The following LRRC38 variants were observed in gnomAD, a reference collection of about 807,000 sequenced individuals.
The protein encoded by LRRC38 is leucine-rich repeat-containing protein 38.
In LRRC38, 5 loss-of-function variants were observed where a neutral mutation model predicts 16.4. The observed-to-expected ratio is 0.31, with a 90% CI of 0.16 to 0.64. The LOEUF (loss-of-function observed/expected upper bound fraction) is 0.64, where lower values mean the gene tolerates loss of function less well. LRRC38 is among the 30% of genes least tolerant of loss of function. LRRC38 has a pLI of 0.80. For synonymous variants in LRRC38, 191 were observed against 190.2 expected, an observed-to-expected ratio of 1.00 and a Z score of -0.04; for missense variants, 341 against 401.8, an observed-to-expected ratio of 0.85 and a Z score of 1.29.
intron 1 of LRRC38, among the ~76,000 whole-genome samples, chr1:13,493,873 C>G (rs1639048771): frequency 6.6e-6 from 1 of 152,084 alleles, no homozygotes; most frequent in Non-Finnish European, 1.5e-5. Context: ...GACCAACCTG[C>G]CCAATATGGT....
chr1:13,480,574 C>T (rs1638840404), intron 1 of LRRC38, among the ~76,000 whole-genome samples: 1 of 152,184 alleles, frequency 6.6e-6, no homozygotes, highest in Non-Finnish European at 1.5e-5. Context: ...TAATCCCCAG[C>T]TGTTAAGGTG....
At chr1:13,492,386 G>A (rs1436733211) in intron 1 of LRRC38, among the ~76,000 whole-genome samples, 1 of 152,132 alleles carries the variant, frequency 6.6e-6, no homozygotes, top group Non-Finnish European at 1.5e-5. Flanking sequence ...GCAAAAAATA[G>A]AGAAAATTTT....
intron 1 of LRRC38, among the ~76,000 whole-genome samples, chr1:13,512,678 G>A (rs1639286977): frequency 1.3e-5 from 2 of 152,150 alleles, no homozygotes; most frequent in African/African-American, 4.8e-5. Context: ...CAAAGCCCAG[G>A]GAGATGATCC....
intron 1 of LRRC38, among the ~76,000 whole-genome samples, chr1:13,506,776 C>A (rs1027428215): frequency 6.6e-6 from 1 of 152,124 alleles, no homozygotes; most frequent in African/African-American, 2.4e-5. Context: ...ATTTTTACAG[C>A]CCGCACCAGC....
chr1:13,494,285 T>C (rs1224728404), intron 1 of LRRC38, among the ~76,000 whole-genome samples: 1 of 152,174 alleles, frequency 6.6e-6, no homozygotes, highest in Non-Finnish European at 1.5e-5. Context: ...TGAGACACAT[T>C]TGTAGCTCAG....
At chr1:13,512,531 G>A (rs890144758) in intron 1 of LRRC38, among the ~76,000 whole-genome samples, 16 of 152,222 alleles carry the variant, frequency 1.1e-4, no homozygotes, top group African/African-American at 3.9e-4. Flanking sequence ...GGTTAGGCTC[G>A]GGAAGCTGCT....
intron 1 of LRRC38, among the ~76,000 whole-genome samples, chr1:13,494,705 G>A (rs1036488454): frequency 6.6e-6 from 1 of 152,202 alleles, no homozygotes; most frequent in Non-Finnish European, 1.5e-5. Flanking sequence ...ACCAGGAACT[G>A]GGGGGCTTGG....
Position 13,513,181 on chromosome 1 carries a change from T to C in LRRC38, c.413A>G (p.Asn138Ser). 6.4e-7 allele frequency: 1 copy of C among 1,550,474 alleles called. No homozygotes were observed. The highest frequency in any genetic ancestry group is 8.7e-7 in the Non-Finnish European group (1 of 1,146,962). The change falls in exon 1 of 2, where the codon AAC becomes AGC. Residue 138 changes from asparagine to serine, a missense_variant. Coordinates refer to ENST00000376085, the MANE Select transcript of LRRC38 (RefSeq NM_001010847.2). The part of the protein sequence containing the change: ...GRLVKLSLAN[N>S]NLVGVHEDAF... ...GTCCTCGTGCACGCCCACCAGGTTG[T>C]TGTTAGCCAGGCTAAGCTTCACCAG... is the stretch of plus-strand genomic sequence containing the variant.
rs1639292809 is a variant in LRRC38, at chr1:13,513,064, G to A, written c.530C>T (p.Ala177Val). Residue 177 changes from alanine (A) to valine (V), a missense_variant, in exon 1 of 2, where the codon GCG becomes GTG. Coordinates refer to ENST00000376085, the MANE Select transcript of LRRC38 (RefSeq NM_001010847.2). ...LSVAALAALP[A>V]LRSLRLDGNP... ...CCCGTCCAGACGCAGGGAGCGCAGC[G>A]CGGGCAGCGCGGCCAGGGCGGCCAC... 1 of 1,550,170 alleles carries A rather than the reference G, an allele frequency of 6.5e-7. No individual in the cohort carries two copies. The highest frequency in any genetic ancestry group is 8.7e-7 in the Non-Finnish European group (1 of 1,146,740).
At chr1:13,503,104 C>A (rs1639169657) in intron 1 of LRRC38, among the ~76,000 whole-genome samples, 2 of 152,218 alleles carry the variant, frequency 1.3e-5, no homozygotes, top group South Asian at 4.1e-4. Context: ...CTTTCATCTG[C>A]CCTGGAGGAG....
intron 1 of LRRC38, among the ~76,000 whole-genome samples, chr1:13,503,244 ATTGT>A (rs1312414415): frequency 6.6e-6 from 1 of 151,906 alleles, no homozygotes; most frequent in African/African-American, 2.4e-5. Flanking sequence ...AGCACTCTAA[ATTGT>A]TTATTTATTT....
chr1:13,492,633 T>A (rs368349482), intron 1 of LRRC38, among the ~76,000 whole-genome samples: 1 of 151,880 alleles, frequency 6.6e-6, no homozygotes, highest in Non-Finnish European at 1.5e-5. Flanking sequence ...ATCTGGGAGA[T>A]GGAGGTTACA....
Position 13,513,507 on chromosome 1 carries a change from G to T in LRRC38, c.87C>A (p.Pro29=). The part of the protein sequence containing the change: ...LLLLAPGHAC[P]AGCACTDPHT... ...GCGGGTCGGTGCAGGCGCAGCCCGC[G>T]GGGCACGCGTGCCCGGGCGCGAGCA... Residue 29 remains proline, a synonymous_variant, in exon 1 of 2, where the codon CCC becomes CCA. Coordinates refer to ENST00000376085, the MANE Select transcript of LRRC38 (RefSeq NM_001010847.2). The T allele has an allele frequency of 6.8e-7, 1 of 1,461,994 alleles. No homozygotes were observed. The highest frequency in any genetic ancestry group is 1.4e-5 in the African/African-American group (1 of 69,902). 90.6% of individuals were successfully genotyped at this position (1,461,994 alleles called of 1,614,324 possible).
chr1:13,482,773 G>T (rs3845608), intron 1 of LRRC38, among the ~76,000 whole-genome samples: 144,417 of 152,162 alleles, frequency 0.95, 68,540 homozygotes, highest in African/African-American at 0.96. Context: ...GACCTATCCC[G>T]TCAGCTGTCT....
At chr1:13,509,030 G>A (rs1639243727) in intron 1 of LRRC38, among the ~76,000 whole-genome samples, 1 of 152,142 alleles carries the variant, frequency 6.6e-6, no homozygotes, top group Non-Finnish European at 1.5e-5. Context: ...GGGTACCCAA[G>A]CCCCCGAATG....
intron 1 of LRRC38, among the ~76,000 whole-genome samples, chr1:13,506,275 A>G (rs1473373108): frequency 6.6e-6 from 1 of 152,130 alleles, no homozygotes; most frequent in Admixed American, 6.5e-5. Flanking sequence ...GTAACAGCAC[A>G]GGCATGGACC....
chr1:13,510,458 T>C (rs1281236078), intron 1 of LRRC38, among the ~76,000 whole-genome samples: 1 of 152,214 alleles, frequency 6.6e-6, no homozygotes, highest in East Asian at 1.9e-4. Context: ...CGGTCCTTTA[T>C]AAATAATGCC....
chr1:13,511,645 A>AG (rs756434810), intron 1 of LRRC38, among the ~76,000 whole-genome samples: 16 of 152,114 alleles, frequency 1.1e-4, no homozygotes, highest in Non-Finnish European at 1.9e-4. Flanking sequence ...GGTGTACCCC[A>AG]TCCCACCATG....
intron 1 of LRRC38, among the ~76,000 whole-genome samples, chr1:13,509,251 C>T (rs181175485): frequency 6.6e-6 from 1 of 152,066 alleles, no homozygotes; most frequent in Non-Finnish European, 1.5e-5. Context: ...GTGCTGTAAG[C>T]TGTGACCTTC....
Sources: gnomAD v4.1 joint callset for allele counts (sites outside exome capture counted in the v4.1 genomes callset) on GRCh38, gnomAD v4.1.1 for gene constraint, MANE v1.5 for transcripts, NCBI Gene and HGNC (gene_info 2026-07-23, HGNC 2026-07-21) for gene names.